Variants in RAB11FIP5 observed in about 807,000 individuals in gnomAD.
The protein encoded by RAB11FIP5 is RAB11 family interacting protein 5, also known as rab11 family-interacting protein 5.
RAB11FIP5 carries 48 observed loss-of-function variants against 85.1 expected under a neutral mutation model. That is an observed-to-expected ratio of 0.56 (90% confidence interval 0.45 to 0.72). The LOEUF is 0.72. Ranked by LOEUF, RAB11FIP5 falls within the 30% of genes least tolerant of loss-of-function variation. The probability of loss-of-function intolerance (pLI) is 0.00; values close to 1 mark genes in which losing one functional copy is unlikely to be tolerated. For missense variants in RAB11FIP5, 1,491 were observed against 1,687.0 expected (o/e 0.88, Z 2.04); for synonymous variants, 729 against 727.3 (o/e 1.00, Z -0.04).
chr2:73,091,017 C>T (rs1209197610), intron 1 of RAB11FIP5, among the ~76,000 whole-genome samples: 2 of 152,128 alleles, frequency 1.3e-5, no homozygotes, highest in Non-Finnish European at 2.9e-5. Context: ...ATACTTTTCA[C>T]TCGTTTTTCT....
chr2:73,095,595 C>T (rs1477286787), intron 1 of RAB11FIP5, among the ~76,000 whole-genome samples: 1 of 152,142 alleles, frequency 6.6e-6, no homozygotes, highest in Non-Finnish European at 1.5e-5. Flanking sequence ...TGCAACCAGC[C>T]CAGGAGATGG....
chr2:73,081,731 C>A lies in RAB11FIP5; in HGVS notation c.1569-68G>T. ...AGACTGGAAAGGCCCCTGAGTCCCA[C>A]GCCCCACCCCCTGCTTCGGGACCAG... On this transcript the variant is annotated intron_variant, in intron 3 of 5. Coordinates refer to ENST00000486777, the MANE Select transcript of RAB11FIP5 (RefSeq NM_001371272.1). The surrounding 1 kb of genome is among the most constrained non-coding windows in gnomAD (Gnocchi z 4.2). 1.7e-6 allele frequency: 2 copies of A among 1,200,194 alleles called. No individual in the cohort carries two copies. Among genetic ancestry groups the A allele is most frequent in the Non-Finnish European group, 1.0e-6 (1 of 959,064 alleles). 74.3% of individuals were successfully genotyped at this position (1,200,194 alleles called of 1,614,324 possible). A position where few individuals can be genotyped will look rare whatever the true frequency, so the allele number is the denominator to read the frequency against.
chr2:73,080,651 G>C lies in RAB11FIP5; in HGVS notation c.2581C>G (p.Gln861Glu). The change falls in exon 4 of 6, where the codon CAG becomes GAG. Residue 861 changes from glutamine (Q) to glutamate (E), a missense_variant. By Grantham distance (29) the Gln-to-Glu change is conservative. Coordinates refer to ENST00000486777, the MANE Select transcript of RAB11FIP5 (RefSeq NM_001371272.1). ...GTTTCTGGTGATTCAGGCTGCACCT[G>C]GGGAGCAGGCTCATCAGACTCTCCC... ...FRGESDEPAP[Q>E]VQPESPETVS... 2 of 1,232,392 alleles carry C rather than the reference G, an allele frequency of 1.6e-6. No homozygotes were observed. The highest frequency in any genetic ancestry group is 2.0e-6 in the Non-Finnish European group (2 of 988,048). The allele number at this position is 1,232,392 out of a possible 1,614,324, so 76.3% of individuals were successfully genotyped here.
intron 1 of RAB11FIP5, among the ~76,000 whole-genome samples, chr2:73,098,721 C>T (rs1225641559): frequency 6.6e-6 from 1 of 152,156 alleles, no homozygotes; most frequent in African/African-American, 2.4e-5. Context: ...ATAAAGTCAC[C>T]CCCCTATTTC....
intron 1 of RAB11FIP5, among the ~76,000 whole-genome samples, chr2:73,104,525 A>G (rs1574305167): frequency 6.6e-6 from 1 of 152,182 alleles, no homozygotes; most frequent in Non-Finnish European, 1.5e-5. Flanking sequence ...CCAAGATCAC[A>G]CCATTGCACT....
rs1231422177 is a variant in RAB11FIP5 at position 73,086,974 on chromosome 2, G to A, written c.1568+1076C>T. Among the ~76,000 whole-genome samples the A allele has an allele frequency of 3.3e-5, 5 of 152,208 alleles. No individual in the cohort carries two copies. Among genetic ancestry groups the A allele is most frequent in the Non-Finnish European group, 2.9e-5 (2 of 68,030 alleles). ...CCACTCCTCTCAACAGACTCAGAGT[G>A]CCACAGGGAAACAAAAAGCCAGGAC... On this transcript the variant is annotated intron_variant, in intron 3 of 5. Transcript: ENST00000486777. This position sits in a 1 kb window ranked among gnomAD's most constrained non-coding sequence, Gnocchi z 4.4.
chr2:73,080,913 C>T lies in RAB11FIP5; in HGVS notation c.2319G>A (p.Pro773=), dbSNP rs150076676. ...GSEPDRELPA[P]EVEAGQSPAD... ...CCGGACTCTGCCCTGCTTCCACTTCCGGGGCTGGCAGTTCCCTGTCTGGTT... is the reference window on the plus strand; with the variant it reads ...CCGGACTCTGCCCTGCTTCCACTTCTGGGGCTGGCAGTTCCCTGTCTGGTT... Residue 773 remains proline (P), a synonymous_variant, in exon 4 of 6, where the codon CCG becomes CCA. Coordinates refer to ENST00000486777, the MANE Select transcript of RAB11FIP5 (RefSeq NM_001371272.1). 1.7e-4 allele frequency: 213 copies of T among 1,232,594 alleles called. No individual in the cohort carries two copies. Among genetic ancestry groups the T allele is most frequent in the Admixed American group, 3.4e-4 (8 of 23,730 alleles). 76.4% of individuals were successfully genotyped at this position (1,232,594 alleles called of 1,614,324 possible). A position where few individuals can be genotyped will look rare whatever the true frequency, so the allele number is the denominator to read the frequency against.
chr2:73,088,247 T>C lies in RAB11FIP5; in HGVS notation c.1371A>G (p.Glu457=), dbSNP rs1369027032. The C allele has an allele frequency of 1.2e-6, 2 of 1,613,770 alleles. No homozygotes were observed. Among genetic ancestry groups the C allele is most frequent in the Non-Finnish European group, 1.7e-6 (2 of 1,180,008 alleles). The change falls in exon 3 of 6, where the codon GAA becomes GAG. Residue 457 remains glutamate, a synonymous_variant. Transcript: ENST00000486777. ...GGAAGAGACCCATCCGGGGCTTGCG[T>C]TCCTCCTTCCGGGCTCCCTCCTTCT... ...VAEKEGARKE[E]RKPRMGLFHH...
intron 1 of RAB11FIP5, among the ~76,000 whole-genome samples, chr2:73,099,062 T>C (rs1231102608): frequency 6.6e-6 from 1 of 151,000 alleles, no homozygotes; most frequent in Non-Finnish European, 1.5e-5. Flanking sequence ...TTTTTTTTTT[T>C]TTTTGAGACA....
chr2:73,091,693 A>C (rs907656206), intron 1 of RAB11FIP5, among the ~76,000 whole-genome samples: 20 of 152,270 alleles, frequency 1.3e-4, no homozygotes, highest in South Asian at 4.1e-4. Flanking sequence ...TTAATGTTGA[A>C]GTTTTTTTAA....
In RAB11FIP5 at chr2:73,089,411, G is replaced by C. The variant is rs764583191; in HGVS notation, c.432-96C>G. The C allele has an allele frequency of 7.9e-7, 1 of 1,268,334 alleles. No homozygotes were observed. The highest frequency in any genetic ancestry group is 1.1e-6 in the Non-Finnish European group (1 of 877,544). The allele number at this position is 1,268,334 out of a possible 1,614,324, so 78.6% of individuals were successfully genotyped here. Reference sequence around the variant, plus strand: ...CACTGCCCAGACCCCTCCTTGCTCTGAGAGCCACTGATAGCCTCTCCCCAA... The same window carrying C: ...CACTGCCCAGACCCCTCCTTGCTCTCAGAGCCACTGATAGCCTCTCCCCAA... On this transcript the variant is annotated intron_variant, in intron 1 of 5. Coordinates refer to ENST00000486777, the MANE Select transcript of RAB11FIP5 (RefSeq NM_001371272.1). This position sits in a 1 kb window ranked among gnomAD's most constrained non-coding sequence, Gnocchi z 4.6.
At chr2:73,096,722 T>A (rs1471368469) in intron 1 of RAB11FIP5, among the ~76,000 whole-genome samples, 1 of 152,202 alleles carries the variant, frequency 6.6e-6, no homozygotes. Context: ...CCTGTTTACC[T>A]GACGTCCACA....
chr2:73,092,509 C>T (rs923441025), intron 1 of RAB11FIP5, among the ~76,000 whole-genome samples: 1 of 152,210 alleles, frequency 6.6e-6, no homozygotes, highest in African/African-American at 2.4e-5. Context: ...GCTCCTATCT[C>T]ATCTCAGCTT....
intron 1 of RAB11FIP5, among the ~76,000 whole-genome samples, chr2:73,108,726 C>G (rs1328477085): frequency 6.6e-6 from 1 of 152,220 alleles, no homozygotes; most frequent in East Asian, 1.9e-4. Flanking sequence ...GAGGCAAACA[C>G]AGGACACCCA....
chr2:73,085,774 G>A (rs1229251344), intron 3 of RAB11FIP5, among the ~76,000 whole-genome samples: 1 of 152,182 alleles, frequency 6.6e-6, no homozygotes, highest in East Asian at 1.9e-4. Context: ...TCAGCCCCGG[G>A]CCTCTCTGTG....
At chr2:73,087,978 G>T in intron 3 of RAB11FIP5, 72 bp downstream of exon 3, 2 of 1,419,760 alleles carry the variant, frequency 1.4e-6, no homozygotes, top group Non-Finnish European at 9.6e-7. Flanking sequence ...CTTCCTCCCT[G>T]CCCCAGGGTC....
At chr2:73,076,261 G>T in intron 4 of RAB11FIP5, 79 bp from the exon 5 acceptor site, 1 of 1,339,808 alleles carries the variant, frequency 7.5e-7, no homozygotes, top group Non-Finnish European at 1.0e-6. Context: ...TCCCTGTGGA[G>T]CCTCCAGGTC....
chr2:73,096,682 C>T (rs1684325774), intron 1 of RAB11FIP5, among the ~76,000 whole-genome samples: 1 of 152,172 alleles, frequency 6.6e-6, no homozygotes, highest in Admixed American at 6.5e-5. Flanking sequence ...GTCCCATCCA[C>T]CACCACCTCC....
intron 1 of RAB11FIP5, among the ~76,000 whole-genome samples, chr2:73,100,993 T>G (rs1162724359): frequency 2.1e-5 from 3 of 144,752 alleles, no homozygotes; most frequent in Non-Finnish European, 3.0e-5. Flanking sequence ...CCTGGAGAGA[T>G]AATCATCAAT....
Sources: gnomAD v4.1 joint callset for allele counts (sites outside exome capture counted in the v4.1 genomes callset) on GRCh38, gnomAD v4.1.1 for gene constraint, Gnocchi (gnomAD v3.1) non-coding constraint, MANE v1.5 for transcripts, NCBI Gene and HGNC (gene_info 2026-07-23, HGNC 2026-07-21) for gene names.